The following IQSEC3 variants were observed in gnomAD, a reference collection of about 807,000 sequenced individuals.
IQSEC3 encodes the protein IQ motif and SEC7 domain-containing protein 3.
A neutral mutation model predicts 105.4 loss-of-function variants in IQSEC3; 50 were observed. The observed-to-expected ratio is 0.47, with a 90% confidence interval of 0.38 to 0.60. The LOEUF is 0.60. IQSEC3 is among the 20% of genes least tolerant of loss of function. The pLI, the probability that IQSEC3 is intolerant of heterozygous loss-of-function variation, is 0.00. For missense variants in IQSEC3, 1,415 were observed against 1,630.0 expected (o/e 0.87, Z 2.27); for synonymous variants, 708 against 746.0 (o/e 0.95, Z 0.83).
intron 2 of IQSEC3, among the ~76,000 whole-genome samples, chr12:108,688 A>G (rs1470459769): frequency 6.6e-6 from 1 of 152,202 alleles, no homozygotes; most frequent in Non-Finnish European, 1.5e-5. Flanking sequence ...GAGGAACTTG[A>G]GGAGGCAAGG....
intron 7 of IQSEC3, among the ~76,000 whole-genome samples, chr12:158,464 ACT>A (rs1249030936): frequency 6.6e-6 from 1 of 152,102 alleles, no homozygotes; most frequent in Non-Finnish European, 1.5e-5. Context: ...GGTCACGTGC[ACT>A]GTGTCATCAC....
chr12:113,544 G>C (rs1591670140), intron 2 of IQSEC3, among the ~76,000 whole-genome samples: 1 of 152,310 alleles, frequency 6.6e-6, no homozygotes, highest in South Asian at 2.1e-4. Flanking sequence ...TGGGATCTTG[G>C]TGTGGTCACC....
At chr12:154,969 A>G (rs893750223) in intron 5 of IQSEC3, among the ~76,000 whole-genome samples, 1 of 151,816 alleles carries the variant, frequency 6.6e-6, no homozygotes, top group Non-Finnish European at 1.5e-5. Flanking sequence ...CTGCGTGACC[A>G]TGCTGGTTCA....
chr12:89,343 G>A (rs75759960), intron 1 of IQSEC3, among the ~76,000 whole-genome samples: 3,435 of 152,234 alleles, frequency 0.023, 53 homozygotes, highest in Non-Finnish European at 0.036. Context: ...TGATCTGGGG[G>A]CAATGGGTGG....
chr12:131,936 G>A (rs529304356), intron 3 of IQSEC3, among the ~76,000 whole-genome samples: 10 of 152,294 alleles, frequency 6.6e-5, no homozygotes, highest in Admixed American at 2.6e-4. Context: ...TAAGGTGCTC[G>A]GTGCTGGACA....
chr12:107,510 C>T (rs1023389324), intron 2 of IQSEC3, among the ~76,000 whole-genome samples: 52 of 146,402 alleles, frequency 3.6e-4, no homozygotes, highest in African/African-American at 8.3e-4. Context: ...CCCGGGTTCA[C>T]GCCATTCTCC....
rs770678107 is a variant in IQSEC3, at chr12:174,699, C to T, written c.3215C>T (p.Pro1072Leu). Residue 1072 changes from proline (P) to leucine (L), a missense_variant, in exon 14 of 14, where the codon CCG becomes CTG. By Grantham distance (98) the Pro-to-Leu change is moderately conservative. Transcript: ENST00000538872. ...VPPPDLQPSP[P>L]RQQTPPLPPP... ...CCGCCAGACCTGCAGCCTAGCCCCC[C>T]GAGACAGCAGACCCCACCACTGCCG... The T allele has an allele frequency of 3.1e-5, 49 of 1,593,246 alleles. No homozygotes were observed. The highest frequency in any genetic ancestry group is 1.6e-4 in the East Asian group (7 of 44,780).
intron 1 of IQSEC3, among the ~76,000 whole-genome samples, chr12:80,489 T>G (rs1451730743): frequency 2.0e-5 from 3 of 152,218 alleles, no homozygotes; most frequent in African/African-American, 7.2e-5. Context: ...CAGTCCTTGC[T>G]AAGAACAAAA....
In IQSEC3 at chr12:111,197, G is replaced by C. The variant is rs987444122; in HGVS notation, c.623+11983G>C. ...ACTAATCCAACAAAGAGCATAACCTGTCTCCTCTCGTGAGGATGGAGTTTT... is the reference window on the plus strand; with the variant it reads ...ACTAATCCAACAAAGAGCATAACCTCTCTCCTCTCGTGAGGATGGAGTTTT... On this transcript the variant is annotated intron_variant, in intron 2 of 13. Coordinates refer to ENST00000538872, the MANE Select transcript of IQSEC3 (RefSeq NM_001170738.2). Among the ~76,000 whole-genome samples the C allele has an allele frequency of 2.6e-5, 4 of 152,264 alleles. 1 individual carries two copies. In the South Asian group the frequency reaches 8.3e-4, roughly 32 times the overall value.
chr12:173,168 C>T (rs1555100874), intron 13 of IQSEC3, among the ~76,000 whole-genome samples: 1 of 152,124 alleles, frequency 6.6e-6, no homozygotes, highest in East Asian at 1.9e-4. Context: ...GGAGGGATCC[C>T]CAGAGGCAGG....
chr12:92,270 A>C (rs1209811012), intron 1 of IQSEC3, among the ~76,000 whole-genome samples: 1 of 152,200 alleles, frequency 6.6e-6, no homozygotes, highest in African/African-American at 2.4e-5. Flanking sequence ...GGCTTTTGGA[A>C]GAGAAAAAGC....
intron 5 of IQSEC3, among the ~76,000 whole-genome samples, chr12:144,846 G>A (rs1292712361): frequency 6.6e-6 from 1 of 152,212 alleles, no homozygotes; most frequent in Non-Finnish European, 1.5e-5. Flanking sequence ...TTTCGCTTTT[G>A]GTTTTTTTGA....
chr12:166,647 C>G (rs1555098545), intron 11 of IQSEC3, among the ~76,000 whole-genome samples: 1 of 152,158 alleles, frequency 6.6e-6, no homozygotes, highest in Non-Finnish European at 1.5e-5. Flanking sequence ...GAAACTGAAA[C>G]AGAAAATGAA....
At chr12:149,213 C>G (rs4980799) in intron 5 of IQSEC3, 47,824 of 152,136 alleles carry the variant, frequency 0.31, 8,567 homozygotes, top group Admixed American at 0.41. Context: ...ATCCACGCGC[C>G]CGTCAGCAGC....
chr12:130,683 C>G (rs557866394), intron 3 of IQSEC3, among the ~76,000 whole-genome samples: 10 of 152,190 alleles, frequency 6.6e-5, no homozygotes, highest in African/African-American at 1.2e-4. Flanking sequence ...CAGGCCTCAA[C>G]GCCCTGCGTG....
intron 3 of IQSEC3, among the ~76,000 whole-genome samples, chr12:136,653 G>A (rs979063636): frequency 1.1e-4 from 17 of 152,236 alleles, no homozygotes; most frequent in African/African-American, 1.7e-4. Context: ...GCCTTGAGTC[G>A]TTCATCTCAG....
chr12:171,469 C>T, intron 13 of IQSEC3: 4 of 680,550 alleles, frequency 5.9e-6, no homozygotes, highest in African/African-American at 1.8e-5. Context: ...TCCTGTGTGC[C>T]CCCAAATCCA....
intron 1 of IQSEC3, among the ~76,000 whole-genome samples, chr12:77,004 A>C (rs1863558925): frequency 6.6e-6 from 1 of 152,240 alleles, no homozygotes; most frequent in South Asian, 2.1e-4. Flanking sequence ...ATCTACCACA[A>C]TTTTCATTCA....
At chr12:79,925 CT>C (rs1863688058) in intron 1 of IQSEC3, among the ~76,000 whole-genome samples, 1 of 152,142 alleles carries the variant, frequency 6.6e-6, no homozygotes, top group Non-Finnish European at 1.5e-5. Context: ...ATCCTATATG[CT>C]GTTCTGCACC....
Sources: allele counts gnomAD v4.1 joint callset (sites outside exome capture counted in the v4.1 genomes callset), GRCh38; gene constraint gnomAD v4.1.1; transcripts MANE v1.5; gene names NCBI Gene and HGNC (gene_info 2026-07-23, HGNC 2026-07-21).